The following PHF12 variants were observed in gnomAD, a reference collection of about 807,000 sequenced individuals.
The protein encoded by PHF12 is PHD finger protein 12.
A neutral mutation model predicts 99.8 loss-of-function variants in PHF12; 6 were observed. The observed-to-expected ratio is 0.06, with a 90% CI of 0.03 to 0.12. The LOEUF is 0.12. PHF12 is among the 10% of genes least tolerant of loss of function. The pLI is 1.00. For synonymous variants in PHF12, 480 were observed against 514.9 expected, an observed-to-expected ratio of 0.93 and a Z score of 0.92; for missense variants, 954 against 1,300.1, an observed-to-expected ratio of 0.73 and a Z score of 4.09.
intron 13 of PHF12, 62 bp downstream of exon 13, chr17:28,907,528 C>T (rs933386568): frequency 1.3e-6 from 2 of 1,547,504 alleles, no homozygotes; most frequent in African/African-American, 2.7e-5. Context: ...GAACAAAAAC[C>T]TACTGCCTGG....
chr17:28,914,410 C>T (rs1006087749), intron 7 of PHF12, among the ~76,000 whole-genome samples: 1 of 152,066 alleles, frequency 6.6e-6, no homozygotes, highest in Admixed American at 6.5e-5. Flanking sequence ...CGGTGGCTCA[C>T]GCCTGTAATC....
At chr17:28,932,016 A>G (rs570068142) in intron 2 of PHF12, among the ~76,000 whole-genome samples, 2 of 152,352 alleles carry the variant, frequency 1.3e-5, no homozygotes, top group African/African-American at 4.8e-5. Flanking sequence ...TGATCATCAT[A>G]GGCATAGCTG....
chr17:28,911,069 T>C (rs764169738), intron 10 of PHF12, 43 bp downstream of exon 10: 2 of 1,612,976 alleles, frequency 1.2e-6, no homozygotes, highest in South Asian at 1.1e-5. Context: ...AATAGCACCT[T>C]CAACATAGCA....
At position 28,917,452 on chromosome 17, in the gene PHF12, A is replaced by G. The variant is rs1156590087; in HGVS notation, c.970-3T>C. On this transcript the variant is annotated splice_polypyrimidine_tract_variant and splice_region_variant and intron_variant, in intron 6 of 14. Transcript: ENST00000332830. ...AGTGTCATATTCTTCTGGTTCAGCT[A>G]GGGACAAAGCAGACACAACCTTGTG... 3.7e-6 allele frequency: 6 copies of G among 1,601,518 alleles called. No individual in the cohort carries two copies. Among genetic ancestry groups the G allele is most frequent in the African/African-American group, 1.3e-5 (1 of 74,772 alleles).
chr17:28,911,376 C>A, intron 9 of PHF12, 139 bp from the exon 10 acceptor site: 1 of 1,202,888 alleles, frequency 8.3e-7, no homozygotes, highest in South Asian at 1.6e-5. Context: ...GGCTCTGGAA[C>A]TCCTAGAGCT....
At chr17:28,933,008 C>T (rs2040441992) in intron 2 of PHF12, among the ~76,000 whole-genome samples, 1 of 152,158 alleles carries the variant, frequency 6.6e-6, no homozygotes, top group Non-Finnish European at 1.5e-5. Flanking sequence ...GCGTGCAACT[C>T]TGAAAACAAT....
At chr17:28,935,207 G>A (rs1385024802) in intron 2 of PHF12, among the ~76,000 whole-genome samples, 2 of 152,190 alleles carry the variant, frequency 1.3e-5, no homozygotes, top group Non-Finnish European at 2.9e-5. Flanking sequence ...AAAGGCCCTG[G>A]CCTACAATTC....
chr17:28,950,536 T>G lies in PHF12; in HGVS notation c.67-290A>C. On this transcript the variant is annotated intron_variant, in intron 1 of 14. Coordinates refer to ENST00000332830, the MANE Select transcript of PHF12 (RefSeq NM_001033561.2). This position sits in a 1 kb window ranked among gnomAD's most constrained non-coding sequence, Gnocchi z 5.7. ...TCTTGCCACTTCCTTGTATGGACAG[T>G]GGGGGACTCCAAAGACCCGCTCGGG... 3.8e-6 allele frequency: 2 copies of G among 533,062 alleles called. No homozygotes were observed. The highest frequency in any genetic ancestry group is 2.4e-5 in the South Asian group (1 of 40,904). 33.0% of individuals were successfully genotyped at this position (533,062 alleles called of 1,614,324 possible). A position where few individuals can be genotyped will look rare whatever the true frequency, so the allele number is the denominator to read the frequency against.
rs557493788 is a variant in PHF12, at chr17:28,911,437, G to C, written c.2090-200C>G. 3 of 638,446 alleles carry C rather than the reference G, an allele frequency of 4.7e-6. No individual in the cohort carries two copies. In the Admixed American group the frequency reaches 9.1e-5, roughly 19 times the overall value. 39.5% of individuals were successfully genotyped at this position (638,446 alleles called of 1,614,324 possible). On this transcript the variant is annotated intron_variant, in intron 9 of 14. Transcript: ENST00000332830. ...ATGGAACGACAAAGCACCCAGGCAC[G>C]CAGGAGTCTCCAGAGCACTGAGAAC...
At position 28,906,845 on chromosome 17, in the gene PHF12, C is replaced by T. The variant is rs1342107568; in HGVS notation, c.2680+11G>A. 1 of 1,589,208 alleles carries T rather than the reference C, an allele frequency of 6.3e-7. No homozygotes were observed. Among genetic ancestry groups the T allele is most frequent in the Non-Finnish European group, 8.6e-7 (1 of 1,166,914 alleles). On this transcript the variant is annotated intron_variant, in intron 14 of 14. Transcript: ENST00000332830. This position sits in a 1 kb window ranked among gnomAD's most constrained non-coding sequence, Gnocchi z 4.2. ...TCAGCTTTGTGGCCACAGATCTCTG[C>T]TCCAACTTACTGATGACACTCTGCA...
At chr17:28,907,709 A>C (rs909385951) in intron 12 of PHF12, 37 bp from the exon 13 acceptor site, 9 of 1,591,712 alleles carry the variant, frequency 5.7e-6, no homozygotes, top group African/African-American at 5.4e-5. Context: ...AGGAAGGCAG[A>C]GAACAGATTG....
intron 2 of PHF12, among the ~76,000 whole-genome samples, chr17:28,948,048 G>A (rs1441037183): frequency 1.3e-5 from 2 of 152,090 alleles, no homozygotes; most frequent in Non-Finnish European, 2.9e-5. Flanking sequence ...AAATTCAGAG[G>A]TTAGGTTTTA....
At chr17:28,936,802 C>T (rs1488228938) in intron 2 of PHF12, among the ~76,000 whole-genome samples, 2 of 152,204 alleles carry the variant, frequency 1.3e-5, no homozygotes, top group Admixed American at 6.5e-5. Flanking sequence ...GCTCATCCAT[C>T]CATCTGAGGA....
intron 5 of PHF12, among the ~76,000 whole-genome samples, 160 bp downstream of exon 5, chr17:28,921,528 A>G (rs2040164947): frequency 6.6e-6 from 1 of 152,156 alleles, no homozygotes; most frequent in African/African-American, 2.4e-5. Flanking sequence ...ACACATACAC[A>G]TTCAAGGCTC....
chr17:28,922,432 T>C (rs964003526), intron 4 of PHF12, among the ~76,000 whole-genome samples: 1 of 152,116 alleles, frequency 6.6e-6, no homozygotes, highest in Non-Finnish European at 1.5e-5. Context: ...TGATTCTATA[T>C]GCATCCTTCT....
intron 2 of PHF12, among the ~76,000 whole-genome samples, chr17:28,937,365 A>G (rs1316991489): frequency 1.3e-5 from 2 of 152,116 alleles, no homozygotes; most frequent in African/African-American, 4.8e-5. Context: ...CTCAACCTTA[A>G]TCCCTTATCC....
At chr17:28,912,095 C>T in intron 9 of PHF12, 1 of 1,032,252 alleles carries the variant, frequency 9.7e-7, no homozygotes, top group Non-Finnish European at 1.2e-6. Flanking sequence ...AATACTGAGG[C>T]CATCACGCAG....
rs990802503 is a variant in PHF12 at position 28,949,384 on chromosome 17, A to G, written c.248+681T>C. Among the ~76,000 whole-genome samples, 1 of 152,122 alleles carries G rather than the reference A, an allele frequency of 6.6e-6. No individual in the cohort carries two copies. The highest frequency in any genetic ancestry group is 1.9e-4 in the East Asian group (1 of 5,186). ...AAGCGGAGGCAGAGAAAGGGGATCA[A>G]AGCGGCGAGATCCCAGACGGGGCCC... On this transcript the variant is annotated intron_variant, in intron 2 of 14. Transcript: ENST00000332830. This position sits in a 1 kb window ranked among gnomAD's most constrained non-coding sequence, Gnocchi z 4.6.
At chr17:28,925,414 T>C (rs1028715964) in intron 3 of PHF12, 13 of 152,216 alleles carry the variant, frequency 8.5e-5, no homozygotes, top group Non-Finnish European at 1.8e-4. Context: ...TGTCAGGAGC[T>C]GATGAAGGCC....
Sources: gnomAD v4.1 joint callset for allele counts (sites outside exome capture counted in the v4.1 genomes callset) on GRCh38, gnomAD v4.1.1 for gene constraint, Gnocchi (gnomAD v3.1) non-coding constraint, MANE v1.5 for transcripts, NCBI Gene and HGNC (gene_info 2026-07-23, HGNC 2026-07-21) for gene names.